ABHD5: variants seen among roughly 807,000 people sequenced by gnomAD.
ABHD5 encodes abhydrolase domain containing 5, lysophosphatidic acid acyltransferase, also known as 1-acylglycerol-3-phosphate O-acyltransferase ABHD5.
ABHD5 carries 30 observed loss-of-function variants against 44.9 expected under a neutral mutation model. That is an observed-to-expected ratio of 0.67 (90% CI 0.50 to 0.91). The LOEUF (loss-of-function observed/expected upper bound fraction) is 0.91. Among genes scored for constraint, ABHD5 ranks in the 40% least tolerant of loss-of-function variants. The pLI, the probability that ABHD5 is intolerant of heterozygous loss-of-function variation, is 0.00. For synonymous variants in ABHD5, 167 were observed against 147.0 expected, an observed-to-expected ratio of 1.14 and a Z score of -0.99; for missense variants, 399 against 423.4, an observed-to-expected ratio of 0.94 and a Z score of 0.50.
chr3:43,708,784 C>CT (rs1365875073), intron 3 of ABHD5, among the ~76,000 whole-genome samples: 5 of 152,110 alleles, frequency 3.3e-5, no homozygotes, highest in Admixed American at 1.3e-4. Context: ...TATGTTCAAA[C>CT]TTTTTTTACT....
At chr3:43,694,787 C>T (rs1278978845) in intron 1 of ABHD5, 1 of 152,066 alleles carries the variant, frequency 6.6e-6, no homozygotes, top group African/African-American at 2.4e-5. Context: ...TGTCATTGAT[C>T]TAATAGTGAT....
At chr3:43,714,787 A>G (rs1370596012) in intron 4 of ABHD5, among the ~76,000 whole-genome samples, 160 bp from the exon 5 acceptor site, 2 of 152,150 alleles carry the variant, frequency 1.3e-5, no homozygotes, top group Non-Finnish European at 2.9e-5. Context: ...AGCTATCAGA[A>G]TGTGTGCTTT....
At chr3:43,733,088 T>C (rs1697265747) in intron 7 of ABHD5, among the ~76,000 whole-genome samples, 1 of 152,184 alleles carries the variant, frequency 6.6e-6, no homozygotes, top group Non-Finnish European at 1.5e-5. Context: ...AGTGTAATCA[T>C]GGAAGTGACA....
At chr3:43,707,630 T>G (rs1461148836) in intron 3 of ABHD5, 1 of 152,158 alleles carries the variant, frequency 6.6e-6, no homozygotes, top group Non-Finnish European at 1.5e-5. Flanking sequence ...TTGTTCTCCT[T>G]TCTTTTTTTT....
At position 43,699,372 on chromosome 3, in the gene ABHD5, C is replaced by G; in HGVS notation, c.133+11C>G. On this transcript the variant is annotated intron_variant, in intron 2 of 6. Coordinates refer to ENST00000644371, the MANE Select transcript of ABHD5 (RefSeq NM_016006.6). Reference sequence around the variant, plus strand: ...AGAAGATGTTAAAATGTAAGGCTTTCTTCTTGTAAGTTAAATGAGCTGTGT... The same window carrying G: ...AGAAGATGTTAAAATGTAAGGCTTTGTTCTTGTAAGTTAAATGAGCTGTGT... The G allele has an allele frequency of 6.2e-7, 1 of 1,604,960 alleles. No individual in the cohort carries two copies. The highest frequency in any genetic ancestry group is 8.5e-7 in the Non-Finnish European group (1 of 1,171,854).
Position 43,690,955 on chromosome 3 carries a change from G to A in ABHD5, c.-38G>A. Reference sequence around the variant, plus strand: ...GGCGGCCCAGTCGGCCTGTCAGCCGGCTTCGAGATAAGTCCCGGCGCTTGC... The same window carrying A: ...GGCGGCCCAGTCGGCCTGTCAGCCGACTTCGAGATAAGTCCCGGCGCTTGC... On this transcript the variant is annotated 5_prime_UTR_variant, in exon 1 of 7. Transcript: ENST00000644371. 1.9e-6 allele frequency: 3 copies of A among 1,551,030 alleles called. No homozygotes were observed. The highest frequency in any genetic ancestry group is 2.6e-6 in the Non-Finnish European group (3 of 1,153,638).
rs11712342 is a variant in ABHD5 at position 43,719,019 on chromosome 3, T to C, written c.*487T>C. On this transcript the variant is annotated 3_prime_UTR_variant, in exon 7 of 7. Coordinates refer to ENST00000644371, the MANE Select transcript of ABHD5 (RefSeq NM_016006.6). ...CAATGTGTTTTTATGTAAAAATTTG[T>C]CAGTTGTTTAGAATATTTCACTTTG... The C allele has an allele frequency of 6.5e-6, 1 of 154,374 alleles. No individual in the cohort carries two copies. Among genetic ancestry groups the C allele is most frequent in the Non-Finnish European group, 1.4e-5 (1 of 69,474 alleles). 9.6% of individuals were successfully genotyped at this position (154,374 alleles called of 1,614,324 possible). A position where few individuals can be genotyped will look rare whatever the true frequency, so the allele number is the denominator to read the frequency against.
chr3:43,693,803 T>C (rs1291041079), intron 1 of ABHD5, among the ~76,000 whole-genome samples: 6 of 151,634 alleles, frequency 4.0e-5, no homozygotes, highest in African/African-American at 1.5e-4. Flanking sequence ...GATTCTGTCA[T>C]CATCCTTGTT....
chr3:43,731,568 A>G (rs982920644), intron 7 of ABHD5, among the ~76,000 whole-genome samples: 1 of 152,172 alleles, frequency 6.6e-6, no homozygotes, highest in Admixed American at 6.5e-5. Context: ...GCGGTGGCTC[A>G]CACCTGTAAT....
chr3:43,691,160 C>A, intron 1 of ABHD5, 121 bp downstream of exon 1: 1 of 1,001,732 alleles, frequency 1.0e-6, no homozygotes, highest in Non-Finnish European at 1.3e-6. Context: ...CGGGCGGCTT[C>A]CTCGACCCTC....
intron 6 of ABHD5, 74 bp from the exon 7 acceptor site, chr3:43,718,369 T>A: frequency 8.3e-7 from 1 of 1,209,212 alleles, no homozygotes; most frequent in Non-Finnish European, 1.2e-6. Flanking sequence ...TTACTAAGTG[T>A]CTTTGCTTAT....
upstream of ABHD5, chr3:43,690,927 CG>C: frequency 1.3e-6 from 2 of 1,510,222 alleles, no homozygotes. Flanking sequence ...CGCGCCAGCC[CG>C]GGGCGGCCCA....
At position 43,691,050 on chromosome 3, in the gene ABHD5, C is replaced by G. The variant is rs755577754; in HGVS notation, c.47+11C>G. The G allele has an allele frequency of 6.5e-6, 10 of 1,548,386 alleles. No individual in the cohort carries two copies. Among genetic ancestry groups the G allele is most frequent in the Non-Finnish European group, 7.8e-6 (9 of 1,148,748 alleles). On this transcript the variant is annotated intron_variant, in intron 1 of 6. Transcript: ENST00000644371. The stretch of plus-strand genomic sequence containing the variant: ...CGACACCGGAGAGAGGTAAGCGCAG[C>G]CGGCAGGGGGCTTCGTGTGTCTCCG...
intron 7 of ABHD5, among the ~76,000 whole-genome samples, chr3:43,728,765 G>T (rs1273980707): frequency 1.3e-5 from 2 of 152,204 alleles, no homozygotes; most frequent in African/African-American, 2.4e-5. Flanking sequence ...AACAGAGATA[G>T]ATCTGAGAAC....
In ABHD5 at chr3:43,715,085, C is replaced by CTGTG. The variant is rs10662733; in HGVS notation, c.773+59_773+62dup. 98,388 of 841,062 alleles carry CTGTG rather than the reference C, an allele frequency of 0.12. 1,873 individuals are homozygous for CTGTG. The highest frequency in any genetic ancestry group is 0.16 in the African/African-American group (9,178 of 56,142). 52.1% of individuals were successfully genotyped at this position (841,062 alleles called of 1,614,324 possible). ...TGAGGGTTAGGATTCTCAATTCACT[C>CTGTG]TGTGTGTGTGTGTGTGTGTGTGTGT... On this transcript the variant is annotated intron_variant, in intron 5 of 6. Transcript: ENST00000644371.
chr3:43,691,013 G>C lies in ABHD5; in HGVS notation c.21G>C (p.Glu7Asp). 1 of 1,568,298 alleles carries C rather than the reference G, an allele frequency of 6.4e-7. No homozygotes were observed. The highest frequency in any genetic ancestry group is 8.6e-7 in the Non-Finnish European group (1 of 1,160,046). The change falls in exon 1 of 7, where the codon GAG (glutamate) becomes GAC (aspartate). Residue 7 changes from glutamate to aspartate, a missense_variant. Glu to Asp is a conservative substitution (Grantham distance 45). Coordinates refer to ENST00000644371, the MANE Select transcript of ABHD5 (RefSeq NM_016006.6). ...CGGCTATGGCGGCGGAGGAGGAGGAGGTGGACTCTGCCGACACCGGAGAGA... is the reference window on the plus strand; with the variant it reads ...CGGCTATGGCGGCGGAGGAGGAGGACGTGGACTCTGCCGACACCGGAGAGA... MAAEEE[E>D]VDSADTGERS...
chr3:43,700,740 A>ATTTTTTTTTTTTTTTTTTTTTTTTTTT (rs1361660825), intron 2 of ABHD5, among the ~76,000 whole-genome samples: 2 of 151,258 alleles, frequency 1.3e-5, no homozygotes, highest in Non-Finnish European at 2.9e-5. Flanking sequence ...TACCCAGCTA[A>ATTTTTTTTTTTTTTTTTTTTTTTTTTT]TTTTTGTATT....
intron 5 of ABHD5, among the ~76,000 whole-genome samples, chr3:43,717,367 A>G (rs2084778235): frequency 6.6e-6 from 1 of 152,190 alleles, no homozygotes; most frequent in South Asian, 2.1e-4. Context: ...AAATAAGGAC[A>G]AAAAAACATA....
intron 7 of ABHD5, among the ~76,000 whole-genome samples, chr3:43,729,405 TG>T (rs2149612602): frequency 6.6e-6 from 1 of 152,312 alleles, no homozygotes; most frequent in East Asian, 1.9e-4. Flanking sequence ...CACGCATTTA[TG>T]GGGAGACTGA....
Sources: allele counts gnomAD v4.1 joint callset (sites outside exome capture counted in the v4.1 genomes callset), GRCh38; gene constraint gnomAD v4.1.1; transcripts MANE v1.5; gene names NCBI Gene and HGNC (gene_info 2026-07-23, HGNC 2026-07-21).